Variants in NIPBL observed in about 807,000 individuals in gnomAD.
The protein encoded by NIPBL is nipped-B-like protein.
In NIPBL, 19 loss-of-function variants were observed where a neutral mutation model predicts 321.8. That is an observed-to-expected ratio of 0.06 (90% CI 0.04 to 0.09). NIPBL has a LOEUF of 0.09. Among genes scored for constraint, NIPBL ranks in the 10% least tolerant of loss-of-function variants. NIPBL has a pLI of 1.00. For synonymous variants in NIPBL, 1,106 were observed against 1,114.1 expected, an observed-to-expected ratio of 0.99 and a Z score of 0.14; for missense variants, 2,210 against 3,327.0, an observed-to-expected ratio of 0.66 and a Z score of 8.26.
At chr5:36,999,592 G>A (rs1399607226) in intron 11 of NIPBL, among the ~76,000 whole-genome samples, 2 of 152,190 alleles carry the variant, frequency 1.3e-5, no homozygotes, top group African/African-American at 4.8e-5. Context: ...GAGTTGATGT[G>A]TTAGATGAAA....
At chr5:36,898,496 A>T (rs1353733734) in intron 1 of NIPBL, among the ~76,000 whole-genome samples, 3 of 149,342 alleles carry the variant, frequency 2.0e-5, no homozygotes, top group Non-Finnish European at 3.0e-5. Flanking sequence ...AATCAAACCT[A>T]TGTTTTTCTG....
Position 37,008,087 on chromosome 5 carries a change from C to A in NIPBL, c.4319C>A (p.Ala1440Glu). Residue 1440 changes from alanine to glutamate, a missense_variant and splice_region_variant, in exon 19 of 47, where the codon GCA becomes GAA. Transcript: ENST00000282516. Reference sequence around the variant, plus strand: ...TTGTGTGCCATTAAGTTAGTCACTGCAGTAAGTATAATCAATTTGTATTTT... The same window carrying A: ...TTGTGTGCCATTAAGTTAGTCACTGAAGTAAGTATAATCAATTTGTATTTT... ...LQLCAIKLVT[A>E]VFSRYEKHRQ... 6.3e-7 allele frequency: 1 copy of A among 1,580,920 alleles called. No homozygotes were observed. Among genetic ancestry groups the A allele is most frequent in the Non-Finnish European group, 8.7e-7 (1 of 1,150,222 alleles).
chr5:36,977,975 A>G (rs992176747), intron 9 of NIPBL, among the ~76,000 whole-genome samples: 1 of 152,000 alleles, frequency 6.6e-6, no homozygotes, highest in Non-Finnish European at 1.5e-5. Context: ...CACGGTGTAT[A>G]TATACCACAT....
chr5:36,985,977 G>A lies in NIPBL; in HGVS notation c.2797G>A (p.Ala933Thr), dbSNP rs779691362. ...CAAGAGTAAAGTAGACACTAATAAA[G>A]CACACCCTGACAATAAGGCAGAATT... Reference protein sequence around the residue: ...GNKSKVDTNKAHPDNKAEFPS... With the variant: ...GNKSKVDTNKTHPDNKAEFPS... The change falls in exon 10 of 47, where the codon GCA (alanine) becomes ACA (threonine). Residue 933 changes from alanine (A) to threonine (T), a missense_variant. By Grantham distance (58) the Ala-to-Thr change is moderately conservative (BLOSUM62 0). This residue lies in a region of NIPBL where 588 missense variants were observed against 564.1 expected (regional missense o/e 1.04). Transcript: ENST00000282516. 1.2e-6 allele frequency: 2 copies of A among 1,613,924 alleles called. No individual in the cohort carries two copies. Among genetic ancestry groups the A allele is most frequent in the South Asian group, 2.2e-5 (2 of 91,070 alleles).
At chr5:37,058,456 A>T (rs1200684475) in intron 43 of NIPBL, among the ~76,000 whole-genome samples, 3 of 152,190 alleles carry the variant, frequency 2.0e-5, no homozygotes, top group Non-Finnish European at 2.9e-5. Context: ...CTTCAGAGAA[A>T]ATTGCTTATT....
At chr5:36,906,053 A>G (rs1013595814) in intron 1 of NIPBL, among the ~76,000 whole-genome samples, 3 of 152,114 alleles carry the variant, frequency 2.0e-5, no homozygotes, top group Non-Finnish European at 4.4e-5. Context: ...CCTGAAAAGT[A>G]TATTAATGGG....
intron 42 of NIPBL, among the ~76,000 whole-genome samples, chr5:37,052,924 T>C (rs1323868084): frequency 6.6e-6 from 1 of 152,178 alleles, no homozygotes; most frequent in Non-Finnish European, 1.5e-5. Flanking sequence ...TTTTTGGCTA[T>C]TGAGATCCCT....
chr5:36,983,168 TGTTA>T (rs1277942754), intron 9 of NIPBL, among the ~76,000 whole-genome samples: 4 of 151,884 alleles, frequency 2.6e-5, no homozygotes, highest in Non-Finnish European at 4.4e-5. Flanking sequence ...ATTCTTACCA[TGTTA>T]GTTTTAACTG....
chr5:37,024,770 A>G, intron 30 of NIPBL, 51 bp downstream of exon 30: 1 of 1,413,866 alleles, frequency 7.1e-7, no homozygotes, highest in Non-Finnish European at 9.9e-7. Context: ...AAAATAAGTT[A>G]AATGTTTATT....
intron 1 of NIPBL, among the ~76,000 whole-genome samples, chr5:36,891,372 A>G (rs895569675): frequency 4.6e-5 from 7 of 152,224 alleles, no homozygotes; most frequent in Non-Finnish European, 7.3e-5. Flanking sequence ...TCTAAGTGCT[A>G]TGATCAAGAT....
At chr5:37,002,998 ATTT>A (rs926306524) in intron 15 of NIPBL, among the ~76,000 whole-genome samples, 1 of 151,386 alleles carries the variant, frequency 6.6e-6, no homozygotes, top group Non-Finnish European at 1.5e-5. Flanking sequence ...ATGGACTTTA[ATTT>A]TTTCCAGAGT....
At chr5:37,011,851 A>G (rs1226090266) in intron 21 of NIPBL, among the ~76,000 whole-genome samples, 1 of 152,206 alleles carries the variant, frequency 6.6e-6, no homozygotes, top group African/African-American at 2.4e-5. Context: ...TAAAAACACC[A>G]TATCATAGAA....
At chr5:36,945,206 G>T (rs574797655) in intron 1 of NIPBL, among the ~76,000 whole-genome samples, 3 of 152,182 alleles carry the variant, frequency 2.0e-5, no homozygotes, top group South Asian at 4.1e-4. Context: ...CAGGACACAG[G>T]ACTATTTTTT....
At chr5:37,054,219 A>G (rs1025131501) in intron 42 of NIPBL, among the ~76,000 whole-genome samples, 7 of 151,898 alleles carry the variant, frequency 4.6e-5, no homozygotes, top group African/African-American at 1.5e-4. Flanking sequence ...AAAAAAGAAC[A>G]AAAGAAATAC....
rs777950633 is a variant in NIPBL, at chr5:37,017,099, G to A, written c.4857G>A (p.Arg1619=). The change falls in exon 24 of 47, where the codon CGG becomes CGA. Residue 1619 remains arginine (R), a synonymous_variant. Coordinates refer to ENST00000282516, the MANE Select transcript of NIPBL (RefSeq NM_133433.4). ...SLDYLGTVAA[R]LRKDAVTSKM... ...ATTACCTTGGAACTGTTGCTGCACG[G>A]CTAAGAAAAGATGCTGTTACAAGCA... 1.2e-6 allele frequency: 2 copies of A among 1,612,710 alleles called. No individual in the cohort carries two copies. The highest frequency in any genetic ancestry group is 1.7e-5 in the Admixed American group (1 of 59,956).
At chr5:36,937,071 G>C (rs188537793) in intron 1 of NIPBL, among the ~76,000 whole-genome samples, 2 of 152,000 alleles carry the variant, frequency 1.3e-5, no homozygotes, top group African/African-American at 2.4e-5. Context: ...TTGGCTTTCA[G>C]CTCCTGAAAC....
intron 3 of NIPBL, 95 bp downstream of exon 3, chr5:36,955,732 T>A: frequency 1.1e-6 from 1 of 923,816 alleles, no homozygotes; most frequent in Non-Finnish European, 1.7e-6. Context: ...AATTTTTAGA[T>A]ACATAGTTTA....
chr5:36,947,529 A>G (rs935405586), intron 1 of NIPBL, among the ~76,000 whole-genome samples: 1 of 152,034 alleles, frequency 6.6e-6, no homozygotes, highest in South Asian at 2.1e-4. Context: ...TTCTGGCCAT[A>G]TGCTCTGTCT....
chr5:36,945,320 A>G (rs1739545604), intron 1 of NIPBL, among the ~76,000 whole-genome samples: 1 of 152,186 alleles, frequency 6.6e-6, no homozygotes, highest in South Asian at 2.1e-4. Flanking sequence ...AACTGGGACT[A>G]TTTAAAGTTA....
Sources: gnomAD v4.1 joint callset for allele counts (sites outside exome capture counted in the v4.1 genomes callset) on GRCh38, gnomAD v4.1.1 for gene constraint, gnomAD v4.1.1 regional missense constraint, MANE v1.5 for transcripts, NCBI Gene and HGNC (gene_info 2026-07-23, HGNC 2026-07-21) for gene names.